CCDC144A: variants seen among roughly 807,000 people sequenced by gnomAD.
CCDC144A encodes the protein coiled-coil domain-containing protein 144A.
In CCDC144A, 41 loss-of-function variants were observed where a neutral mutation model predicts 143.8. The observed-to-expected ratio is 0.29, with a 90% CI of 0.22 to 0.37. The LOEUF is 0.37. Among genes scored for constraint, CCDC144A ranks in the 10% least tolerant of loss-of-function variants. The pLI is 1.00. For synonymous variants in CCDC144A, 242 were observed against 517.9 expected (o/e 0.47, Z 7.23); for missense variants, 637 against 1,488.8 (o/e 0.43, Z 9.41).
rs192011569 is a variant in CCDC144A, at chr17:16,720,220, G to C, written c.1738G>C (p.Glu580Gln). The change falls in exon 7 of 17, where the codon GAA becomes CAA. Residue 580 changes from glutamate to glutamine, a missense_variant. Glu to Gln is a conservative substitution (Grantham distance 29). Transcript: ENST00000399273. Reference protein sequence around the residue: ...HDRPADKTSNEKNEVKNQIYP... With the variant: ...HDRPADKTSNQKNEVKNQIYP... ...CAGGCCTGCAGATAAAACATCTAAT[G>C]AAAAGAACGAGGTATTGTAAAAAAG... 2.3e-4 allele frequency: 341 copies of C among 1,513,398 alleles called. 2 individuals carry two copies. The African/African-American group carries it at 4.4e-3, about 20-fold the overall frequency. The allele number at this position is 1,513,398 out of a possible 1,614,324, so 93.7% of individuals were successfully genotyped here.
intron 12 of CCDC144A, among the ~76,000 whole-genome samples, chr17:16,757,510 G>C (rs1309882314): frequency 6.6e-6 from 1 of 152,242 alleles, no homozygotes; most frequent in African/African-American, 2.4e-5. Flanking sequence ...GGGGTGGGCT[G>C]CTCCTCAGGG....
chr17:16,710,731 A>G (rs1912355846), intron 5 of CCDC144A, among the ~76,000 whole-genome samples: 1 of 152,192 alleles, frequency 6.6e-6, no homozygotes, highest in Non-Finnish European at 1.5e-5. Context: ...TACATTGATT[A>G]GGGCAGGCCT....
intron 16 of CCDC144A, 52 bp from the exon 17 acceptor site, chr17:16,773,445 C>G: frequency 6.6e-7 from 1 of 1,514,406 alleles, no homozygotes; most frequent in Non-Finnish European, 8.9e-7. Context: ...GAGACCCTAT[C>G]TTAAAATAAT....
chr17:16,712,045 A>G (rs1912481205), intron 6 of CCDC144A: 1 of 577,158 alleles, frequency 1.7e-6, no homozygotes, highest in African/African-American at 1.9e-5. Flanking sequence ...CAAGAGAATC[A>G]TTTGAACCTG....
rs575265273 is a variant in CCDC144A, at chr17:16,756,386, C to T, written c.3373-5039C>T. 9.9e-5 allele frequency among the ~76,000 whole-genome samples: 15 copies of T among 152,162 alleles called. No homozygotes were observed. The South Asian group carries it at 1.0e-3, about 11-fold the overall frequency. ...TCAGAAATTCATTCTTCTCCTTGAT[C>T]TAGTCTATTGCCAACATTCTCAGTT... On this transcript the variant is annotated intron_variant, in intron 12 of 16. Transcript: ENST00000399273.
At chr17:16,765,682 C>T (rs1915564899) in intron 15 of CCDC144A, 1 of 149,718 alleles carries the variant, frequency 6.7e-6, no homozygotes, top group Non-Finnish European at 1.5e-5. Context: ...GGCCAAATAG[C>T]TTAAAAGGGA....
chr17:16,753,438 T>TGTTGTTGTTG (rs1555535618), intron 12 of CCDC144A, among the ~76,000 whole-genome samples: 54 of 120,540 alleles, frequency 4.5e-4, no homozygotes, highest in African/African-American at 2.2e-3. Flanking sequence ...GTTTTTTTTT[T>TGTTGTTGTTG]TTTTTTTTTT....
At chr17:16,719,260 T>C (rs1342547695) in intron 6 of CCDC144A, among the ~76,000 whole-genome samples, 1 of 152,166 alleles carries the variant, frequency 6.6e-6, no homozygotes, top group Non-Finnish European at 1.5e-5. Context: ...TGAGTATTTA[T>C]TTGTTGAACG....
chr17:16,690,144 G>C, upstream of CCDC144A: 1 of 337,032 alleles, frequency 3.0e-6, no homozygotes, highest in Non-Finnish European at 5.4e-6. Flanking sequence ...CTTTTTCTGG[G>C]AGGCTGGAGC....
At chr17:16,703,010 T>G (rs1284181283) in intron 2 of CCDC144A, among the ~76,000 whole-genome samples, 1 of 152,230 alleles carries the variant, frequency 6.6e-6, no homozygotes, top group Non-Finnish European at 1.5e-5. Context: ...GTGTGTGTTT[T>G]GATTATCAAA....
rs1597603068 is a variant in CCDC144A, at chr17:16,776,685, C to G, written c.*3052C>G. The G allele has an allele frequency of 6.6e-6, 1 of 151,556 alleles. No homozygotes were observed. Among genetic ancestry groups the G allele is most frequent in the South Asian group, 2.1e-4 (1 of 4,814 alleles). 9.4% of individuals were successfully genotyped at this position (151,556 alleles called of 1,614,324 possible). On this transcript the variant is annotated 3_prime_UTR_variant, in exon 17 of 17. Coordinates refer to ENST00000399273, the MANE Select transcript of CCDC144A (RefSeq NM_001382000.1). ...ACTTCCTGTCTTCCTATTTGAATAGCTTTTCTTTCTTTCTCTTGCCTGATT... is the reference window on the plus strand; with the variant it reads ...ACTTCCTGTCTTCCTATTTGAATAGGTTTTCTTTCTTTCTCTTGCCTGATT...
intron 6 of CCDC144A, among the ~76,000 whole-genome samples, chr17:16,716,365 C>A (rs936876826): frequency 6.6e-6 from 1 of 151,886 alleles, no homozygotes; most frequent in Admixed American, 6.6e-5. Context: ...TAGTGATATT[C>A]TTTTTTTTAT....
At chr17:16,669,206 A>G in the CCDC144A span, among the ~76,000 whole-genome samples, 6 of 152,216 alleles carry the variant, frequency 3.9e-5, no homozygotes, top group Non-Finnish European at 5.9e-5. Flanking sequence ...TTTGAGAAAG[A>G]TTTTGCATAA....
chr17:16,715,544 CAT>C (rs1232409490), intron 6 of CCDC144A, among the ~76,000 whole-genome samples: 1 of 152,026 alleles, frequency 6.6e-6, no homozygotes, highest in Non-Finnish European at 1.5e-5. Context: ...AAAGGAATTA[CAT>C]AGTTCATTGG....
At chr17:16,765,844 T>C (rs2143391300) in intron 15 of CCDC144A, 1 of 152,402 alleles carries the variant, frequency 6.6e-6, no homozygotes, top group African/African-American at 2.4e-5. Context: ...CACTGGGTAC[T>C]AATGGGAAAT....
At chr17:16,754,530 C>G (rs1024550976) in intron 12 of CCDC144A, among the ~76,000 whole-genome samples, 3 of 152,316 alleles carry the variant, frequency 2.0e-5, no homozygotes. Context: ...CATTCAGGAG[C>G]ATGCTGTTTA....
At chr17:16,741,888 G>A (rs1360288367) in intron 12 of CCDC144A, among the ~76,000 whole-genome samples, 1 of 151,900 alleles carries the variant, frequency 6.6e-6, no homozygotes, top group Non-Finnish European at 1.5e-5. Context: ...CCATTTCTTT[G>A]TGTTGTGAAC....
intron 12 of CCDC144A, among the ~76,000 whole-genome samples, chr17:16,750,480 C>T (rs1029877978): frequency 6.7e-6 from 1 of 148,502 alleles, no homozygotes; most frequent in Non-Finnish European, 1.5e-5. Context: ...GTTATAGCTG[C>T]CTGTGAGATT....
chr17:16,709,248 T>C lies in CCDC144A; in HGVS notation c.1191T>C (p.His397=), dbSNP rs1912244864. ...AGTCATCTTCTAAGTTTCATTTACA[T>C]GAAAATAAATTAGACTGCGACAATG... The part of the protein sequence containing the change: ...VCQSSSKFHL[H]ENKLDCDNDN... Residue 397 remains histidine (H), a synonymous_variant, in exon 5 of 17, where the codon CAT becomes CAC. Coordinates refer to ENST00000399273, the MANE Select transcript of CCDC144A (RefSeq NM_001382000.1). 1.2e-6 allele frequency: 2 copies of C among 1,611,696 alleles called. No individual in the cohort carries two copies. The highest frequency in any genetic ancestry group is 1.7e-6 in the Non-Finnish European group (2 of 1,179,650).
Sources: gnomAD v4.1 joint callset for allele counts (sites outside exome capture counted in the v4.1 genomes callset) on GRCh38, gnomAD v4.1.1 for gene constraint, MANE v1.5 for transcripts, NCBI Gene and HGNC (gene_info 2026-07-23, HGNC 2026-07-21) for gene names.